The following ERO1B variants were observed in gnomAD, a reference collection of about 807,000 sequenced individuals.
ERO1B encodes the protein ERO1-like protein beta.
ERO1B carries 49 observed loss-of-function variants against 75.3 expected under a neutral mutation model. The observed-to-expected ratio is 0.65, with a 90% CI of 0.52 to 0.83. The LOEUF (loss-of-function observed/expected upper bound fraction) is 0.83, where lower values mean the gene tolerates loss of function less well. ERO1B is among the 40% of genes least tolerant of loss of function. ERO1B has a pLI of 0.00. For synonymous variants in ERO1B, 191 were observed against 192.9 expected (o/e 0.99, Z 0.08); for missense variants, 512 against 560.1 (o/e 0.91, Z 0.87).
chr1:236,246,521 A>G lies in ERO1B; in HGVS notation c.432-3026T>C, dbSNP rs140050369. On this transcript the variant is annotated intron_variant, in intron 5 of 15. Transcript: ENST00000354619. ...TGGCCCCAAAGCATAAGCTATCAAG[A>G]GCAGAATGGAAACATGGCACATTCT... Among the ~76,000 whole-genome samples the G allele has an allele frequency of 4.6e-3, 707 of 152,276 alleles. 3 individuals carry two copies. The highest frequency in any genetic ancestry group is 7.9e-3 in the Non-Finnish European group (534 of 68,020).
At position 236,215,658 on chromosome 1, in the gene ERO1B, C is replaced by A. The variant is rs1424582830; in HGVS notation, c.*2858G>T. ...AATCAAAGCTGCACCTGTAGATATT[C>A]CTTAAAATACAGTACACATAGATTT... On this transcript the variant is annotated 3_prime_UTR_variant, in exon 16 of 16. Coordinates refer to ENST00000354619, the MANE Select transcript of ERO1B (RefSeq NM_019891.4). The A allele has an allele frequency of 6.6e-6, 1 of 152,108 alleles. No homozygotes were observed. Among genetic ancestry groups the A allele is most frequent in the Non-Finnish European group, 1.5e-5 (1 of 68,004 alleles). The allele number at this position is 152,108 out of a possible 1,614,324, so 9.4% of individuals were successfully genotyped here.
chr1:236,264,681 T>C (rs1240231193), intron 2 of ERO1B, among the ~76,000 whole-genome samples: 2 of 151,984 alleles, frequency 1.3e-5, no homozygotes, highest in African/African-American at 2.4e-5. Flanking sequence ...CCATCTCTAC[T>C]ATAAATATAA....
intron 4 of ERO1B, among the ~76,000 whole-genome samples, chr1:236,251,656 A>G (rs996042297): frequency 7.2e-5 from 11 of 152,190 alleles, no homozygotes. Flanking sequence ...AAAAATGAAT[A>G]TCTTAATACC....
At chr1:236,231,064 G>C (rs1156587736) in intron 9 of ERO1B, among the ~76,000 whole-genome samples, 1 of 150,362 alleles carries the variant, frequency 6.7e-6, no homozygotes, top group Non-Finnish European at 1.5e-5. Flanking sequence ...AAGAAAATAA[G>C]GAATTATAAT....
intron 15 of ERO1B, 176 bp downstream of exon 15, chr1:236,220,656 T>C (rs1192362707): frequency 6.3e-6 from 3 of 474,812 alleles, no homozygotes; most frequent in African/African-American, 4.0e-5. Flanking sequence ...GTTTTTCCTA[T>C]GACCTGTAGA....
chr1:236,248,573 GAATA>G (rs1194782620), intron 5 of ERO1B, among the ~76,000 whole-genome samples: 1 of 152,068 alleles, frequency 6.6e-6, no homozygotes, highest in Non-Finnish European at 1.5e-5. Context: ...TCAGTTAAAA[GAATA>G]AATCTGTGTT....
intron 6 of ERO1B, among the ~76,000 whole-genome samples, chr1:236,239,877 A>ATGTGTGTG (rs202156601): frequency 1.7e-4 from 16 of 96,024 alleles, no homozygotes; most frequent in Middle Eastern, 5.8e-3. Context: ...ATATGTGTAT[A>ATGTGTGTG]TGTGTGTGTG....
chr1:236,278,706 T>G (rs1334779339), intron 1 of ERO1B, among the ~76,000 whole-genome samples: 1 of 152,212 alleles, frequency 6.6e-6, no homozygotes, highest in African/African-American at 2.4e-5. Flanking sequence ...GATTGTTATA[T>G]CACTTGTATG....
chr1:236,264,086 T>C (rs886735469), intron 2 of ERO1B, among the ~76,000 whole-genome samples: 7 of 152,158 alleles, frequency 4.6e-5, no homozygotes, highest in Admixed American at 4.6e-4. Flanking sequence ...TTTTTACATA[T>C]AACTTTTTTC....
intron 1 of ERO1B, among the ~76,000 whole-genome samples, chr1:236,279,458 G>C (rs935066027): frequency 1.6e-5 from 2 of 128,690 alleles, no homozygotes; most frequent in African/African-American, 5.9e-5. Flanking sequence ...AGCCAAGATG[G>C]CGCCACCGCA....
chr1:236,275,040 A>G (rs2812479), intron 1 of ERO1B, among the ~76,000 whole-genome samples: 143,999 of 152,266 alleles, frequency 0.95, 68,578 homozygotes, highest in East Asian at 1. Context: ...AGCTTGCCCC[A>G]TGTTTTTGAG....
intron 1 of ERO1B, among the ~76,000 whole-genome samples, chr1:236,280,183 T>A (rs1665798262): frequency 6.6e-6 from 1 of 152,048 alleles, no homozygotes; most frequent in African/African-American, 2.4e-5. Flanking sequence ...TAGTGGTAAA[T>A]GAAAAAAATT....
intron 6 of ERO1B, among the ~76,000 whole-genome samples, chr1:236,241,790 C>T (rs982681344): frequency 6.6e-5 from 10 of 151,754 alleles, no homozygotes; most frequent in African/African-American, 2.4e-4. Context: ...TTAACACGGC[C>T]AGGTGCAGTG....
chr1:236,216,797 T>C lies in ERO1B; in HGVS notation c.*1719A>G, dbSNP rs1174412546. ...TCTGAGTGAATACTAAGAATAATTCTTACTAATTTACTAGTTAAATTAATT... is the reference window on the plus strand; with the variant it reads ...TCTGAGTGAATACTAAGAATAATTCCTACTAATTTACTAGTTAAATTAATT... On this transcript the variant is annotated 3_prime_UTR_variant, in exon 16 of 16. Coordinates refer to ENST00000354619, the MANE Select transcript of ERO1B (RefSeq NM_019891.4). 7 of 152,086 alleles carry C rather than the reference T, an allele frequency of 4.6e-5. No homozygotes were observed. 9.4% of individuals were successfully genotyped at this position (152,086 alleles called of 1,614,324 possible). A position where few individuals can be genotyped will look rare whatever the true frequency, so the allele number is the denominator to read the frequency against.
chr1:236,230,084 G>T, intron 10 of ERO1B, 140 bp downstream of exon 10: 2 of 674,108 alleles, frequency 3.0e-6, no homozygotes, highest in South Asian at 1.7e-5. Flanking sequence ...ATCCCCATAT[G>T]TTAACCTAAA....
chr1:236,281,485 C>G, intron 1 of ERO1B, 197 bp downstream of exon 1: 1 of 398,140 alleles, frequency 2.5e-6, no homozygotes, highest in East Asian at 3.6e-5. Context: ...TCGCCGTCCC[C>G]CCACCCTGCG....
In ERO1B at chr1:236,215,360, C is replaced by T. The variant is rs961035572; in HGVS notation, c.*3156G>A. 1.3e-5 allele frequency among the ~76,000 whole-genome samples: 2 copies of T among 152,122 alleles called. No homozygotes were observed. The highest frequency in any genetic ancestry group is 2.9e-5 in the Non-Finnish European group (2 of 68,008). ...CTACTAGTGCTATTGTGAAGATTAA[C>T]GGTGTATTCTTTTAAAGCCAAACTA... On this transcript the variant is annotated 3_prime_UTR_variant, in exon 16 of 16. Coordinates refer to ENST00000354619, the MANE Select transcript of ERO1B (RefSeq NM_019891.4).
Position 236,225,154 on chromosome 1 carries a change from G to A in ERO1B, c.1053-15C>T, listed in dbSNP as rs374225728. On this transcript the variant is annotated splice_polypyrimidine_tract_variant and intron_variant, in intron 12 of 15. Coordinates refer to ENST00000354619, the MANE Select transcript of ERO1B (RefSeq NM_019891.4). Reference sequence around the variant, plus strand: ...TGGGAAAGGACCTGATAAAATGATAGTATTGGATTAAGTTACACATGAAAA... The same window carrying A: ...TGGGAAAGGACCTGATAAAATGATAATATTGGATTAAGTTACACATGAAAA... 1.2e-6 allele frequency: 2 copies of A among 1,612,770 alleles called. No individual in the cohort carries two copies. The highest frequency in any genetic ancestry group is 2.7e-5 in the African/African-American group (2 of 74,852).
At chr1:236,235,946 A>C in intron 7 of ERO1B, 111 bp from the exon 8 acceptor site, 1 of 929,882 alleles carries the variant, frequency 1.1e-6, no homozygotes, top group Non-Finnish European at 1.6e-6. Flanking sequence ...TTTTTTTGAG[A>C]CAGAGTTTCA....
Sources: gnomAD v4.1 joint callset for allele counts (sites outside exome capture counted in the v4.1 genomes callset) on GRCh38, gnomAD v4.1.1 for gene constraint, MANE v1.5 for transcripts, NCBI Gene and HGNC (gene_info 2026-07-23, HGNC 2026-07-21) for gene names.